The following ZNF273 variants were observed in gnomAD, a reference collection of about 807,000 sequenced individuals.
The protein encoded by ZNF273 is zinc finger protein 273.
Under a neutral mutation model 14.9 loss-of-function variants are expected in ZNF273, and 11 were observed. The observed-to-expected ratio is 0.74, with a 90% CI of 0.46 to 1.22. The LOEUF is 1.22. Ranked by LOEUF, ZNF273 falls within the 50% of genes most tolerant of loss-of-function variation. The pLI is 0.00. For missense variants in ZNF273, 577 were observed against 660.6 expected (o/e 0.87, Z 1.39); for synonymous variants, 199 against 223.9 (o/e 0.89, Z 0.99).
chr7:64,901,638 C>A (rs1032385756), upstream of ZNF273, among the ~76,000 whole-genome samples: 2 of 152,204 alleles, frequency 1.3e-5, no homozygotes, highest in African/African-American at 4.8e-5. Flanking sequence ...ACCCTCTTTT[C>A]TTTTCTCTGC....
intron 3 of ZNF273, among the ~76,000 whole-genome samples, chr7:64,921,605 C>CCTTTTTTTTTTT (rs1794451548): frequency 1.7e-5 from 1 of 57,930 alleles, no homozygotes; most frequent in African/African-American, 6.7e-5. Context: ...CATGCTAATG[C>CCTTTTTTTTTTT]TTTTTTTTTT....
downstream of ZNF273, chr7:64,893,351 T>G (rs1792152937): frequency 6.6e-6 from 1 of 152,222 alleles, no homozygotes; most frequent in Non-Finnish European, 1.5e-5. Context: ...CATGAACATC[T>G]TTCCATAACT....
At chr7:64,904,703 T>C (rs1428020033) in intron 1 of ZNF273, among the ~76,000 whole-genome samples, 1 of 152,206 alleles carries the variant, frequency 6.6e-6, no homozygotes, top group Non-Finnish European at 1.5e-5. Flanking sequence ...TGACACAGCA[T>C]TGGATAGCAC....
chr7:64,892,222 A>G (rs1263092011), downstream of ZNF273, among the ~76,000 whole-genome samples: 1 of 152,204 alleles, frequency 6.6e-6, no homozygotes, highest in Admixed American at 6.5e-5. Context: ...TCAACCCTAA[A>G]AGGAAAGAAA....
At position 64,928,757 on chromosome 7, in the gene ZNF273, AAG is replaced by A. The variant is rs780311045; in HGVS notation, c.1434_1435del (p.Arg478SerfsTer12). The A allele has an allele frequency of 1.1e-5, 17 of 1,613,344 alleles. No individual in the cohort carries two copies. The South Asian group carries it at 1.8e-4, about 17-fold the overall frequency. On this transcript the variant is annotated frameshift_variant, in exon 4 of 4. Transcript: ENST00000476120. LOFTEE classifies it low-confidence loss of function (END_TRUNC). The stretch of plus-strand genomic sequence containing the variant: ...GGCATTCTCAACCCTTACTGAACAT[AAG>A]AGAGTTCATACTGGAGAGAAACCTT... The part of the protein sequence containing the change: ...FRAFSTLTEH[K>X]RVHTGEKPYK...
At chr7:64,909,955 T>G (rs1351940720) in intron 1 of ZNF273, among the ~76,000 whole-genome samples, 1 of 152,156 alleles carries the variant, frequency 6.6e-6, no homozygotes, top group Non-Finnish European at 1.5e-5. Context: ...ATGAGCATTT[T>G]TTAATATGCT....
chr7:64,905,009 T>G (rs1159234349), intron 1 of ZNF273, among the ~76,000 whole-genome samples: 6 of 152,144 alleles, frequency 3.9e-5, no homozygotes, highest in Middle Eastern at 6.8e-3. Flanking sequence ...GAATATCAGC[T>G]CCTGGGTCAT....
chr7:64,889,183 A>G, downstream of ZNF273: 1 of 985,828 alleles, frequency 1.0e-6, no homozygotes, highest in Non-Finnish European at 1.2e-6. This position sits in a 1 kb window ranked among gnomAD's most constrained non-coding sequence, Gnocchi z 4.2. Context: ...TGGCGGCGGC[A>G]GCCCCTGCAG....
At chr7:64,916,853 C>T (rs1033143946) in intron 1 of ZNF273, among the ~76,000 whole-genome samples, 1 of 151,498 alleles carries the variant, frequency 6.6e-6, no homozygotes, top group Non-Finnish European at 1.5e-5. Context: ...AAAGAGCTCT[C>T]TGACAGATTT....
At chr7:64,931,832 G>T (rs1468185871), downstream of ZNF273, among the ~76,000 whole-genome samples, 1 of 152,052 alleles carries the variant, frequency 6.6e-6, no homozygotes. Context: ...ATATATCAAT[G>T]GTGAAACAGT....
intron 3 of ZNF273, among the ~76,000 whole-genome samples, chr7:64,922,559 G>C (rs1002126187): frequency 6.6e-6 from 1 of 151,742 alleles, no homozygotes; most frequent in African/African-American, 2.4e-5. Context: ...TGATCCTCCT[G>C]CCTCAGCCTC....
chr7:64,928,485 C>T lies in ZNF273; in HGVS notation c.1157C>T (p.Ser386Phe). 1 of 1,612,948 alleles carries T rather than the reference C, an allele frequency of 6.2e-7. No homozygotes were observed. The highest frequency in any genetic ancestry group is 8.5e-7 in the Non-Finnish European group (1 of 1,179,786). Residue 386 changes from serine (S) to phenylalanine (F), a missense_variant, in exon 4 of 4, where the codon TCC (serine) becomes TTC (phenylalanine). Around this residue, in one of 3 missense-constraint regions of ZNF273, gnomAD observed 411 missense variants for 440.4 expected, o/e 0.93. Transcript: ENST00000476120. ...GAATGTGGCAAAGCTTTTAACCAGT[C>T]CTCAACCCTTACTAGACATAAGATA... ...CEECGKAFNQ[S>F]STLTRHKIVH...
At chr7:64,892,210 A>C (rs543939874), downstream of ZNF273, among the ~76,000 whole-genome samples, 1 of 152,350 alleles carries the variant, frequency 6.6e-6, no homozygotes. Context: ...AAAAAACAGT[A>C]TTCAACCCTA....
At chr7:64,919,078 T>C (rs1249865065) in intron 3 of ZNF273, among the ~76,000 whole-genome samples, 2 of 152,184 alleles carry the variant, frequency 1.3e-5, no homozygotes, top group Non-Finnish European at 2.9e-5. Context: ...TCTTGAAATA[T>C]AGTTTGAAAT....
intron 1 of ZNF273, chr7:64,916,983 G>C: frequency 8.0e-7 from 1 of 1,252,228 alleles, no homozygotes; most frequent in Non-Finnish European, 1.0e-6. Context: ...GGTTTCCTTT[G>C]TATATATTTG....
intron 3 of ZNF273, among the ~76,000 whole-genome samples, chr7:64,924,876 C>T (rs891205538): frequency 6.6e-6 from 1 of 151,536 alleles, no homozygotes; most frequent in Admixed American, 6.6e-5. Context: ...CATCTCAGCT[C>T]ACTGCAACTT....
intron 3 of ZNF273, among the ~76,000 whole-genome samples, chr7:64,922,275 T>G (rs1338848968): frequency 1.3e-5 from 2 of 151,922 alleles, no homozygotes; most frequent in Admixed American, 1.3e-4. Context: ...CTCAAGTATC[T>G]GGGTTACAAG....
intron 3 of ZNF273, chr7:64,923,422 C>G (rs1472222931): frequency 2.2e-6 from 1 of 452,942 alleles, no homozygotes; most frequent in Non-Finnish European, 4.4e-6. Context: ...GTTACTGCAA[C>G]CTCTGCCCCT....
chr7:64,919,882 G>A (rs1417683784), intron 3 of ZNF273, among the ~76,000 whole-genome samples: 1 of 149,404 alleles, frequency 6.7e-6, no homozygotes, highest in Admixed American at 6.7e-5. Context: ...TTACTTATTT[G>A]TCCTCAATTT....
Sources: allele counts gnomAD v4.1 joint callset (sites outside exome capture counted in the v4.1 genomes callset), GRCh38; gene constraint gnomAD v4.1.1; regional missense constraint gnomAD v4.1.1; non-coding constraint Gnocchi (gnomAD v3.1); transcripts MANE v1.5; gene names NCBI Gene and HGNC (gene_info 2026-07-23, HGNC 2026-07-21).